Variants in EIF4EBP1 observed in about 807,000 individuals in gnomAD.
EIF4EBP1 encodes the protein eukaryotic translation initiation factor 4E binding protein 1, also known as eukaryotic translation initiation factor 4E-binding protein 1.
A neutral mutation model predicts 9.2 loss-of-function variants in EIF4EBP1; 5 were observed. The ratio of observed to expected loss-of-function variants is 0.54; its 90% CI spans 0.28 to 1.14. EIF4EBP1 has a LOEUF of 1.14. Ranked by LOEUF, EIF4EBP1 falls within the 50% of genes most tolerant of loss-of-function variation. The pLI, the probability that EIF4EBP1 is intolerant of heterozygous loss-of-function variation, is 0.09. For synonymous variants in EIF4EBP1, 62 were observed against 67.0 expected, an observed-to-expected ratio of 0.93 and a Z score of 0.36; for missense variants, 139 against 169.6, an observed-to-expected ratio of 0.82 and a Z score of 1.00.
chr8:38,054,465 A>C (rs1809567256), intron 1 of EIF4EBP1, among the ~76,000 whole-genome samples: 1 of 151,998 alleles, frequency 6.6e-6, no homozygotes, highest in South Asian at 2.1e-4. Flanking sequence ...CAAACAAACA[A>C]AAAGCAAAGT....
chr8:38,055,148 T>TAA (rs1809579438), intron 1 of EIF4EBP1, among the ~76,000 whole-genome samples: 1 of 152,068 alleles, frequency 6.6e-6, no homozygotes, highest in Non-Finnish European at 1.5e-5. Flanking sequence ...TATCTTTAGG[T>TAA]ATCTCTCTGC....
intron 1 of EIF4EBP1, among the ~76,000 whole-genome samples, chr8:38,055,192 C>T (rs1809580197): frequency 6.6e-6 from 1 of 152,156 alleles, no homozygotes; most frequent in Non-Finnish European, 1.5e-5. Context: ...ACGTCATCCT[C>T]AGCACAGAGC....
chr8:38,035,748 C>T (rs1456007545), intron 1 of EIF4EBP1, among the ~76,000 whole-genome samples: 2 of 150,824 alleles, frequency 1.3e-5, no homozygotes, highest in Non-Finnish European at 3.0e-5. Flanking sequence ...CTTGCTCTGT[C>T]GCCCAGGCTG....
At chr8:38,059,760 A>C (rs1445267948) in intron 2 of EIF4EBP1, 144 bp from the exon 3 acceptor site, 27 of 845,766 alleles carry the variant, frequency 3.2e-5, no homozygotes, top group African/African-American at 1.7e-4. Flanking sequence ...CATCTCAAAA[A>C]AAAAAAACAA....
At chr8:38,051,121 A>T (rs1051622232) in intron 1 of EIF4EBP1, among the ~76,000 whole-genome samples, 1 of 152,028 alleles carries the variant, frequency 6.6e-6, no homozygotes, top group Non-Finnish European at 1.5e-5. Context: ...TCCATTTTCC[A>T]TACAGACTTC....
chr8:38,041,623 G>T (rs183089492), intron 1 of EIF4EBP1, among the ~76,000 whole-genome samples: 26 of 152,248 alleles, frequency 1.7e-4, no homozygotes, highest in Admixed American at 1.6e-3. Context: ...AAAGAACAAA[G>T]GACACCTTCC....
intron 1 of EIF4EBP1, among the ~76,000 whole-genome samples, chr8:38,043,417 T>G (rs1355268965): frequency 6.7e-6 from 1 of 149,764 alleles, no homozygotes; most frequent in Non-Finnish European, 1.5e-5. Context: ...CAGGCTGGAG[T>G]GCAGTGGTGC....
chr8:38,033,062 C>CTTTTT (rs765781155), intron 1 of EIF4EBP1, among the ~76,000 whole-genome samples: 49 of 125,444 alleles, frequency 3.9e-4, no homozygotes, highest in Non-Finnish European at 5.5e-4. Context: ...TTCTTTCTTT[C>CTTTTT]TTTTTTTTTT....
At chr8:38,034,977 G>A (rs1456031223) in intron 1 of EIF4EBP1, among the ~76,000 whole-genome samples, 1 of 152,184 alleles carries the variant, frequency 6.6e-6, no homozygotes, top group African/African-American at 2.4e-5. Context: ...TGAAGGAGCT[G>A]GGTGCGGTGG....
At chr8:38,048,356 A>G (rs1459162772) in intron 1 of EIF4EBP1, among the ~76,000 whole-genome samples, 1 of 152,134 alleles carries the variant, frequency 6.6e-6, no homozygotes, top group Non-Finnish European at 1.5e-5. Context: ...TACTATCTAT[A>G]ATAATAGCAT....
In EIF4EBP1 at chr8:38,050,208, G is replaced by A. The variant is rs560885260; in HGVS notation, c.146-6873G>A. 1.8e-4 allele frequency among the ~76,000 whole-genome samples: 28 copies of A among 152,142 alleles called. No individual in the cohort carries two copies. In the South Asian group the frequency reaches 5.6e-3, roughly 31 times the overall value. On this transcript the variant is annotated intron_variant, in intron 1 of 2. Coordinates refer to ENST00000338825, the MANE Select transcript of EIF4EBP1 (RefSeq NM_004095.4). Reference sequence around the variant, plus strand: ...GTTGTATACGTGAACCACTGCACCCGGCCTCTTTTGTTTTTCTTTAAGATT... The same window carrying A: ...GTTGTATACGTGAACCACTGCACCCAGCCTCTTTTGTTTTTCTTTAAGATT...
At chr8:38,057,401 G>A (rs1809613619) in intron 2 of EIF4EBP1, 141 bp downstream of exon 2, 1 of 1,051,678 alleles carries the variant, frequency 9.5e-7, no homozygotes, top group Non-Finnish European at 1.3e-6. Context: ...TCAGAGCCCA[G>A]AGGGTGAGAG....
At chr8:38,032,071 A>G (rs1809232747) in intron 1 of EIF4EBP1, among the ~76,000 whole-genome samples, 1 of 152,156 alleles carries the variant, frequency 6.6e-6, no homozygotes, top group South Asian at 2.1e-4. Context: ...ATTCCTGACA[A>G]TTTTGGAGTT....
At chr8:38,046,277 C>A (rs1320112711) in intron 1 of EIF4EBP1, among the ~76,000 whole-genome samples, 1 of 152,072 alleles carries the variant, frequency 6.6e-6, no homozygotes, top group African/African-American at 2.4e-5. Context: ...CTTGAACCCC[C>A]CCATTGCTTT....
At chr8:38,047,701 T>C (rs564472026) in intron 1 of EIF4EBP1, among the ~76,000 whole-genome samples, 7 of 152,318 alleles carry the variant, frequency 4.6e-5, no homozygotes, top group African/African-American at 1.2e-4. Flanking sequence ...GCCAGGCTGG[T>C]CTCGAACTCC....
chr8:38,031,384 G>A (rs956970227), intron 1 of EIF4EBP1, among the ~76,000 whole-genome samples: 1 of 152,160 alleles, frequency 6.6e-6, no homozygotes, highest in Admixed American at 6.5e-5. Context: ...CTCCCTGGGA[G>A]AGGATGAGGA....
intron 1 of EIF4EBP1, among the ~76,000 whole-genome samples, chr8:38,046,938 C>T (rs1225989496): frequency 6.6e-6 from 1 of 152,194 alleles, no homozygotes; most frequent in Non-Finnish European, 1.5e-5. Flanking sequence ...AGGGGTGCTC[C>T]TCTCTTCTTC....
rs191949945 is a variant in EIF4EBP1, at chr8:38,033,959, G to A, written c.145+3241G>A. Among the ~76,000 whole-genome samples, 523 of 152,050 alleles carry A rather than the reference G, an allele frequency of 3.4e-3. 2 individuals carry two copies. The highest frequency in any genetic ancestry group is 0.011 in the African/African-American group (461 of 41,504). ...GACAGGGTTTCACCGTGTTAGCCAG[G>A]ATGGTCTCGATCTCCTGACCTCGTG... On this transcript the variant is annotated intron_variant, in intron 1 of 2. Transcript: ENST00000338825.
At chr8:38,035,148 A>G (rs914230517) in intron 1 of EIF4EBP1, among the ~76,000 whole-genome samples, 4 of 152,136 alleles carry the variant, frequency 2.6e-5, no homozygotes, top group Admixed American at 6.5e-5. Context: ...TGTGTCCCTT[A>G]TTAAAGATTT....
Sources: gnomAD v4.1 joint callset for allele counts (sites outside exome capture counted in the v4.1 genomes callset) on GRCh38, gnomAD v4.1.1 for gene constraint, MANE v1.5 for transcripts, NCBI Gene and HGNC (gene_info 2026-07-23, HGNC 2026-07-21) for gene names.